Variants in DENND2A observed in about 807,000 individuals in gnomAD.
DENND2A encodes DENN domain containing 2A, also known as DENN domain-containing protein 2A.
A neutral mutation model predicts 105.3 loss-of-function variants in DENND2A; 53 were observed. The ratio of observed to expected loss-of-function variants is 0.50; its 90% CI spans 0.40 to 0.63. DENND2A has a LOEUF of 0.63. DENND2A is among the 30% of genes least tolerant of loss of function. The pLI is 0.00. For synonymous variants in DENND2A, 522 were observed against 508.4 expected, an observed-to-expected ratio of 1.03 and a Z score of -0.36; for missense variants, 1,138 against 1,279.6, an observed-to-expected ratio of 0.89 and a Z score of 1.69.
Position 140,538,801 on chromosome 7 carries a change from T to C in DENND2A, c.2327+5817A>G, listed in dbSNP as rs567719331. On this transcript the variant is annotated intron_variant, in intron 14 of 19. Transcript: ENST00000496613. ...GATTACAGGGATGAGCAATTGCACC[T>C]GGCCCTTTTTTAAAAAATTTTTTCT... Among the ~76,000 whole-genome samples the C allele has an allele frequency of 2.3e-3, 355 of 151,854 alleles. 4 individuals carry two copies. Among genetic ancestry groups the C allele is most frequent in the South Asian group, 0.015 (72 of 4,786 alleles).
At position 140,544,878 on chromosome 7, in the gene DENND2A, T is replaced by C. The variant is rs115579634; in HGVS notation, c.2179-112A>G. ...GTCCTCATCAGGGGTGACCCACTGG[T>C]GGGGGAAAAGGGAAAGAAAAAAAGC... On this transcript the variant is annotated intron_variant, in intron 13 of 19. Coordinates refer to ENST00000496613, the MANE Select transcript of DENND2A (RefSeq NM_015689.5). 4.0e-3 allele frequency: 5,867 copies of C among 1,467,546 alleles called. 208 individuals carry two copies. In the African/African-American group the frequency reaches 0.077, roughly 19 times the overall value. 90.9% of individuals were successfully genotyped at this position (1,467,546 alleles called of 1,614,324 possible).
chr7:140,605,397 A>C lies in DENND2A; in HGVS notation c.-146+308T>G, dbSNP rs566583303. On this transcript the variant is annotated intron_variant, in intron 2 of 19. Transcript: ENST00000496613. ...CTGCAAAGACTTAGGGCTCAAACAT[A>C]AGTAAAATACCTGAACATCCTAGTA... Among the ~76,000 whole-genome samples the C allele has an allele frequency of 7.2e-5, 11 of 152,206 alleles. No individual in the cohort carries two copies. In the South Asian group the frequency reaches 2.1e-3, roughly 29 times the overall value.
At position 140,564,298 on chromosome 7, in the gene DENND2A, T is replaced by TACACAC. The variant is rs375771552; in HGVS notation, c.1779+2782_1779+2787dup. On this transcript the variant is annotated intron_variant, in intron 9 of 19. Transcript: ENST00000496613. ...ACTGTGTCAAAAAAAAAAAAAAAAA[T>TACACAC]ACACACACACACACAGAAACACTGG... 1.1e-3 allele frequency among the ~76,000 whole-genome samples: 155 copies of TACACAC among 141,152 alleles called. 1 individual carries two copies. Among genetic ancestry groups the TACACAC allele is most frequent in the South Asian group, 1.8e-3 (8 of 4,472 alleles). 92.6% of individuals were successfully genotyped at this position (141,152 alleles called of 152,430 possible). A position where few individuals can be genotyped will look rare whatever the true frequency, so the allele number is the denominator to read the frequency against.
intron 12 of DENND2A, among the ~76,000 whole-genome samples, chr7:140,553,642 C>A (rs4289723): frequency 0.49 from 73,837 of 151,922 alleles, 18,830 homozygotes; most frequent in East Asian, 0.84. Flanking sequence ...GAGGTCCCTG[C>A]GGCCTTCCGC....
chr7:140,585,554 C>A, intron 5 of DENND2A, 35 bp downstream of exon 5: 1 of 1,613,096 alleles, frequency 6.2e-7, no homozygotes, highest in Non-Finnish European at 8.5e-7. Flanking sequence ...ATGCTTTGGC[C>A]CCCTCTCCTG....
intron 14 of DENND2A, among the ~76,000 whole-genome samples, chr7:140,533,279 C>T (rs759639467): frequency 6.6e-6 from 1 of 152,242 alleles, no homozygotes; most frequent in Non-Finnish European, 1.5e-5. Context: ...GCGTGAGCCA[C>T]TGCACCTGGC....
At chr7:140,557,609 G>A (rs1482035895) in intron 11 of DENND2A, among the ~76,000 whole-genome samples, 1 of 118,886 alleles carries the variant, frequency 8.4e-6, no homozygotes, top group Non-Finnish European at 1.7e-5. Context: ...GCGCGATCTC[G>A]ACTCACTGCA....
chr7:140,582,053 C>T (rs1185661336), intron 5 of DENND2A, among the ~76,000 whole-genome samples: 2 of 151,934 alleles, frequency 1.3e-5, no homozygotes, highest in African/African-American at 4.8e-5. Context: ...CAACCTCTGC[C>T]CCCCAGGTTC....
chr7:140,533,633 C>A (rs1172682485), intron 14 of DENND2A, among the ~76,000 whole-genome samples: 1 of 152,212 alleles, frequency 6.6e-6, no homozygotes, highest in Non-Finnish European at 1.5e-5. Flanking sequence ...ATGCATGGGG[C>A]TCCAGGACAG....
In DENND2A at chr7:140,541,395, G is replaced by A. The variant is rs111833825; in HGVS notation, c.2327+3223C>T. Among the ~76,000 whole-genome samples the A allele has an allele frequency of 3.7e-3, 556 of 152,154 alleles. 3 individuals carry two copies. Among genetic ancestry groups the A allele is most frequent in the African/African-American group, 0.012 (517 of 41,522 alleles). On this transcript the variant is annotated intron_variant, in intron 14 of 19. Coordinates refer to ENST00000496613, the MANE Select transcript of DENND2A (RefSeq NM_015689.5). Reference sequence around the variant, plus strand: ...TCTAGCATCTTCACCCCGCAGGCACGTTCCCGGGGGACTCTGTCCCCACCA... The same window carrying A: ...TCTAGCATCTTCACCCCGCAGGCACATTCCCGGGGGACTCTGTCCCCACCA...
Position 140,591,742 on chromosome 7 carries a change from TTTTC to T in DENND2A, c.996-3966_996-3963del, listed in dbSNP as rs1390187617. Among the ~76,000 whole-genome samples the T allele has an allele frequency of 4.0e-5, 6 of 150,558 alleles. No homozygotes were observed. The South Asian group carries it at 1.3e-3, about 32-fold the overall frequency. ...CTCTTTCCTTTCCTTTCTCTCTCTC[TTTTC>T]TTTCTCTTTCCCTCCCTCCTTTTCT... On this transcript the variant is annotated intron_variant, in intron 3 of 19. Transcript: ENST00000496613.
chr7:140,635,994 AGT>A (rs1178671642), intron 1 of DENND2A, among the ~76,000 whole-genome samples: 2 of 152,196 alleles, frequency 1.3e-5, no homozygotes, highest in Non-Finnish European at 2.9e-5. Flanking sequence ...AGTTCCAGGC[AGT>A]GTTTGCCTCC....
At position 140,521,866 on chromosome 7, in the gene DENND2A, T is replaced by G. The variant is rs757340192; in HGVS notation, c.2900A>C (p.Gln967Pro). 7 of 1,613,960 alleles carry G rather than the reference T, an allele frequency of 4.3e-6. No individual in the cohort carries two copies. Among genetic ancestry groups the G allele is most frequent in the Non-Finnish European group, 5.9e-6 (7 of 1,179,978 alleles). ...GFIQERELRR[Q>P]DAKGLFEVRA... is the part of the protein sequence containing the mutation. The stretch of plus-strand genomic sequence containing the variant: ...AAGATGCCCCTCACCTTTGGCATCC[T>G]GCCGGCGCAGCTCCCGCTCCTGGAT... The change falls in exon 18 of 20, where the codon CAG becomes CCG. Residue 967 changes from glutamine to proline, a missense_variant. Physicochemically the swap from Gln to Pro is moderately conservative, Grantham distance 76 (BLOSUM62 -1). Transcript: ENST00000496613.
intron 7 of DENND2A, 86 bp from the exon 8 acceptor site, chr7:140,568,899 T>A: frequency 7.2e-7 from 1 of 1,379,966 alleles, no homozygotes; most frequent in Non-Finnish European, 1.0e-6. Flanking sequence ...ACAGATCAAA[T>A]GTTCTAATTC....
At chr7:140,526,404 C>T (rs1796056737) in intron 15 of DENND2A, among the ~76,000 whole-genome samples, 1 of 152,190 alleles carries the variant, frequency 6.6e-6, no homozygotes, top group African/African-American at 2.4e-5. Flanking sequence ...GAGAGCGCGA[C>T]CCTCACTCAG....
chr7:140,539,563 C>T (rs1007568185), intron 14 of DENND2A, among the ~76,000 whole-genome samples: 10 of 152,218 alleles, frequency 6.6e-5, no homozygotes, highest in African/African-American at 2.4e-4. Context: ...AGCCCAGCTG[C>T]TTTCCCTCCG....
chr7:140,569,387 C>G (rs1324511545), intron 7 of DENND2A, among the ~76,000 whole-genome samples: 1 of 152,220 alleles, frequency 6.6e-6, no homozygotes, highest in Non-Finnish European at 1.5e-5. Flanking sequence ...GCAAGGAAGG[C>G]TGCTCCCACA....
chr7:140,558,711 A>C (rs11973083), intron 10 of DENND2A, among the ~76,000 whole-genome samples: 3,160 of 151,332 alleles, frequency 0.021, 116 homozygotes, highest in African/African-American at 0.072. Flanking sequence ...AAAAAAAAAA[A>C]AAAAAAGTCA....
At chr7:140,626,911 A>G (rs952957059) in intron 1 of DENND2A, among the ~76,000 whole-genome samples, 1 of 152,240 alleles carries the variant, frequency 6.6e-6, no homozygotes, top group African/African-American at 2.4e-5. Flanking sequence ...AGGGTTTGGA[A>G]TCAGACAGAC....
Sources: gnomAD v4.1 joint callset for allele counts (sites outside exome capture counted in the v4.1 genomes callset) on GRCh38, gnomAD v4.1.1 for gene constraint, MANE v1.5 for transcripts, NCBI Gene and HGNC (gene_info 2026-07-23, HGNC 2026-07-21) for gene names.